Variants in CCDC33 observed in about 807,000 individuals in gnomAD.
CCDC33 encodes coiled-coil domain containing 33.
In CCDC33, 94 loss-of-function variants were observed where a neutral mutation model predicts 91.9. The ratio of observed to expected loss-of-function variants is 1.02; its 90% CI spans 0.87 to 1.21. The LOEUF (loss-of-function observed/expected upper bound fraction) is 1.21. Among genes scored for constraint, CCDC33 ranks in the 50% most tolerant of loss-of-function variants. The probability of loss-of-function intolerance (pLI) is 0.00; values close to 1 mark genes in which losing one functional copy is unlikely to be tolerated. For missense variants in CCDC33, 940 were observed against 935.5 expected (o/e 1.00, Z -0.06); for synonymous variants, 396 against 374.5 (o/e 1.06, Z -0.66).
intron 11 of CCDC33, among the ~76,000 whole-genome samples, chr15:74,311,041 G>A (rs1031312454): frequency 5.4e-5 from 8 of 148,750 alleles, no homozygotes; most frequent in East Asian, 2.0e-4. Flanking sequence ...AGGCAGGACC[G>A]TGATCTGCCT....
chr15:74,249,283 G>A (rs1490745315), intron 2 of CCDC33, among the ~76,000 whole-genome samples: 21 of 151,970 alleles, frequency 1.4e-4, no homozygotes, highest in Admixed American at 9.8e-4. Flanking sequence ...TCAGGAGATC[G>A]AGATCATCCT....
intron 6 of CCDC33, among the ~76,000 whole-genome samples, chr15:74,272,383 T>G (rs1212149344): frequency 6.6e-6 from 1 of 152,112 alleles, no homozygotes; most frequent in Non-Finnish European, 1.5e-5. Context: ...GGAGTCACAG[T>G]CCTCAAGAGG....
chr15:74,333,298 G>A (rs772053396), intron 16 of CCDC33: 2 of 1,595,440 alleles, frequency 1.3e-6, no homozygotes, highest in South Asian at 2.3e-5. Flanking sequence ...GCCACTCAGA[G>A]TGCACAGAGA....
chr15:74,239,114 G>A (rs1001245419), intron 1 of CCDC33, among the ~76,000 whole-genome samples: 5 of 152,208 alleles, frequency 3.3e-5, no homozygotes, highest in Admixed American at 6.5e-5. Context: ...ACAGATCCGG[G>A]CAGCCAGGCA....
upstream of CCDC33, among the ~76,000 whole-genome samples, chr15:74,215,975 C>T (rs773980421): frequency 6.6e-6 from 1 of 151,994 alleles, no homozygotes; most frequent in African/African-American, 2.4e-5. Context: ...TGAAGGGACT[C>T]GGGATAAACC....
At chr15:74,255,088 C>T (rs888107068) in intron 2 of CCDC33, among the ~76,000 whole-genome samples, 1 of 144,338 alleles carries the variant, frequency 6.9e-6, no homozygotes. Flanking sequence ...TAGGCATCCC[C>T]CTTTCCCCCC....
intron 2 of CCDC33, among the ~76,000 whole-genome samples, chr15:74,261,908 A>G (rs896170912): frequency 6.6e-6 from 1 of 152,238 alleles, no homozygotes; most frequent in Admixed American, 6.5e-5. Flanking sequence ...CTCAGAAGGC[A>G]GCAGGATGTG....
intron 5 of CCDC33, among the ~76,000 whole-genome samples, chr15:74,268,884 G>T (rs1188704894): frequency 6.6e-6 from 1 of 152,228 alleles, no homozygotes; most frequent in Non-Finnish European, 1.5e-5. Context: ...ATAGTGCCTT[G>T]GCCCCCAAGC....
At chr15:74,209,235 C>G in intron 1 of CCDC33, 2 of 1,130,546 alleles carry the variant, frequency 1.8e-6, no homozygotes, top group Non-Finnish European at 2.5e-6. Context: ...ACCCCCAAAC[C>G]GTTTGCTCGA....
chr15:74,203,553 C>T (rs2074177408), intron 1 of CCDC33, among the ~76,000 whole-genome samples: 1 of 152,246 alleles, frequency 6.6e-6, no homozygotes, highest in South Asian at 2.1e-4. Context: ...CAAGGGGCTT[C>T]GGCTTGGACC....
In CCDC33 at chr15:74,244,508, C is replaced by T. The variant is rs913976171; in HGVS notation, c.185+360C>T. On this transcript the variant is annotated intron_variant, in intron 2 of 18. Transcript: ENST00000398814. This position sits in a 1 kb window ranked among gnomAD's most constrained non-coding sequence, Gnocchi z 4.2. ...GGGAAGGGGAAGATTTGGGACCTGC[C>T]TCTCCTGACTTCTGGGTGCCCCACC... 6.6e-6 allele frequency among the ~76,000 whole-genome samples: 1 copy of T among 152,082 alleles called. No homozygotes were observed. Among genetic ancestry groups the T allele is most frequent in the Admixed American group, 6.5e-5 (1 of 15,268 alleles).
intron 10 of CCDC33, among the ~76,000 whole-genome samples, chr15:74,291,740 G>A (rs2059588544): frequency 6.6e-6 from 1 of 152,252 alleles, no homozygotes; most frequent in Admixed American, 6.5e-5. Flanking sequence ...GGGGATCTAG[G>A]GGATGGAATG....
At chr15:74,204,385 T>C (rs561285729) in intron 1 of CCDC33, among the ~76,000 whole-genome samples, 1 of 152,346 alleles carries the variant, frequency 6.6e-6, no homozygotes, top group South Asian at 2.1e-4. Context: ...CAGTATTCAT[T>C]TGTGGGCCTG....
intron 11 of CCDC33, among the ~76,000 whole-genome samples, chr15:74,312,537 G>A (rs929056928): frequency 6.6e-6 from 1 of 152,044 alleles, no homozygotes; most frequent in Non-Finnish European, 1.5e-5. Context: ...CCCTGCCCCC[G>A]CACCACCCCT....
At chr15:74,283,667 C>T (rs2930296) in intron 10 of CCDC33, among the ~76,000 whole-genome samples, 92,295 of 151,970 alleles carry the variant, frequency 0.61, 33,309 homozygotes, top group Non-Finnish European at 0.82. Flanking sequence ...AACCCCCTCC[C>T]CCTGGAGGCG....
chr15:74,231,907 G>A (rs1265870263), upstream of CCDC33, among the ~76,000 whole-genome samples: 3 of 152,156 alleles, frequency 2.0e-5, no homozygotes, highest in Non-Finnish European at 4.4e-5. Flanking sequence ...CCAGCTATTG[G>A]GGAGGCTGAG....
chr15:74,333,211 T>C (rs371302352), intron 16 of CCDC33: 1 of 1,572,256 alleles, frequency 6.4e-7, no homozygotes, highest in Non-Finnish European at 8.7e-7. Flanking sequence ...AGAGCCCTTT[T>C]CCATCCCAGG....
At chr15:74,332,210 T>C (rs1173054806) in intron 15 of CCDC33, among the ~76,000 whole-genome samples, 2 of 152,120 alleles carry the variant, frequency 1.3e-5, no homozygotes, top group African/African-American at 4.8e-5. Context: ...AGGGCCCCTG[T>C]GTGCCCAGCC....
intron 2 of CCDC33, among the ~76,000 whole-genome samples, chr15:74,245,997 AG>A (rs1373473467): frequency 6.6e-6 from 1 of 152,208 alleles, no homozygotes; most frequent in East Asian, 1.9e-4. Context: ...CCCCAGCCCC[AG>A]GCAGAAACCC....
Sources: allele counts gnomAD v4.1 joint callset (sites outside exome capture counted in the v4.1 genomes callset), GRCh38; gene constraint gnomAD v4.1.1; non-coding constraint Gnocchi (gnomAD v3.1); transcripts MANE v1.5; gene names NCBI Gene and HGNC (gene_info 2026-07-23, HGNC 2026-07-21).